STK3: variants seen among roughly 807,000 people sequenced by gnomAD.
STK3 encodes serine/threonine-protein kinase 3.
In STK3, 41 loss-of-function variants were observed where a neutral mutation model predicts 58.0. That is an observed-to-expected ratio of 0.71 (90% confidence interval 0.55 to 0.92). The LOEUF (loss-of-function observed/expected upper bound fraction) is 0.92. Ranked by LOEUF, STK3 falls within the 40% of genes least tolerant of loss-of-function variation. The pLI is 0.00. For synonymous variants in STK3, 170 were observed against 191.0 expected (o/e 0.89, Z 0.91); for missense variants, 479 against 602.7 (o/e 0.79, Z 2.15).
At chr8:98,427,914 C>T (rs2131066981) in intron 3 of STK3, 5 of 1,361,206 alleles carry the variant, frequency 3.7e-6, no homozygotes, top group East Asian at 2.5e-5. Context: ...GCGCTCTCGC[C>T]GACGCTGTTC....
the STK3 span, among the ~76,000 whole-genome samples, chr8:98,352,997 G>T: frequency 6.6e-6 from 1 of 152,148 alleles, no homozygotes; most frequent in African/African-American, 2.4e-5. Flanking sequence ...ATTGCTTATT[G>T]GTAGCATATA....
intron 6 of STK3, among the ~76,000 whole-genome samples, chr8:98,611,080 G>T (rs1046305803): frequency 6.6e-6 from 1 of 151,998 alleles, no homozygotes; most frequent in African/African-American, 2.4e-5. Context: ...AAAGAACTGG[G>T]TTAAAGCTAA....
At chr8:98,920,756 G>T (rs575200826) in intron 1 of STK3, among the ~76,000 whole-genome samples, 3 of 152,246 alleles carry the variant, frequency 2.0e-5, no homozygotes, top group Non-Finnish European at 4.4e-5. Flanking sequence ...GAGAAGCAGG[G>T]CAAGAGGCTG....
chr8:98,478,886 A>C (rs1053208163), intron 10 of STK3, among the ~76,000 whole-genome samples: 1 of 152,022 alleles, frequency 6.6e-6, no homozygotes, highest in Admixed American at 6.5e-5. Flanking sequence ...GCTCTTATAC[A>C]CTATATTTAC....
chr8:98,919,812 A>G (rs1254931939), intron 1 of STK3, among the ~76,000 whole-genome samples: 1 of 151,956 alleles, frequency 6.6e-6, no homozygotes, highest in Non-Finnish European at 1.5e-5. Flanking sequence ...TAGGAGCAGC[A>G]GCAGGTAGGA....
intron 3 of STK3, among the ~76,000 whole-genome samples, chr8:98,873,104 G>C (rs1286120831): frequency 6.6e-6 from 1 of 152,094 alleles, no homozygotes; most frequent in African/African-American, 2.4e-5. Flanking sequence ...GTACCCAGTA[G>C]TCATTCAGGA....
chr8:98,594,053 A>C (rs915057862), intron 7 of STK3, among the ~76,000 whole-genome samples: 1 of 152,328 alleles, frequency 6.6e-6, no homozygotes, highest in Admixed American at 6.5e-5. Context: ...CACGCCTATA[A>C]TCCCAGGAAT....
At chr8:98,597,804 C>A (rs1175119284) in intron 6 of STK3, 3 of 984,638 alleles carry the variant, frequency 3.0e-6, no homozygotes, top group Non-Finnish European at 3.6e-6. Flanking sequence ...ACCCCCAGAG[C>A]TCACAGTCAA....
intron 8 of STK3, among the ~76,000 whole-genome samples, chr8:98,562,820 G>T (rs935291320): frequency 2.0e-5 from 3 of 150,302 alleles, no homozygotes; most frequent in Admixed American, 1.3e-4. Context: ...GTTGAGGCAG[G>T]AGGATCGCTT....
intron 3 of STK3, among the ~76,000 whole-genome samples, chr8:98,407,778 G>A (rs75041250): frequency 4.0e-5 from 6 of 150,326 alleles, no homozygotes; most frequent in Non-Finnish European, 8.8e-5. Flanking sequence ...GCGCATGCAT[G>A]GTATGACTAC....
At chr8:98,344,795 A>T in the STK3 span, among the ~76,000 whole-genome samples, 1 of 143,468 alleles carries the variant, frequency 7.0e-6, no homozygotes, top group Non-Finnish European at 1.5e-5. Context: ...TGGGAGGCTG[A>T]GGCAGGAGAA....
chr8:98,776,602 A>G (rs1312335188), intron 1 of STK3, among the ~76,000 whole-genome samples: 1 of 152,226 alleles, frequency 6.6e-6, no homozygotes, highest in Non-Finnish European at 1.5e-5. Flanking sequence ...GCAGTTCAGC[A>G]TTTAGAATGC....
chr8:98,685,244 C>T (rs72666680), intron 6 of STK3, among the ~76,000 whole-genome samples: 5,472 of 152,206 alleles, frequency 0.036, 117 homozygotes, highest in South Asian at 0.061. Flanking sequence ...GTCTCCAAAA[C>T]TATAATTCAT....
intron 1 of STK3, among the ~76,000 whole-genome samples, chr8:98,824,274 C>G (rs1212896285): frequency 2.6e-5 from 4 of 152,204 alleles, no homozygotes; most frequent in African/African-American, 7.2e-5. Flanking sequence ...GCTGCCTACA[C>G]CTGCCCCTGA....
downstream of STK3, among the ~76,000 whole-genome samples, chr8:98,368,319 C>G (rs1441791460): frequency 6.6e-6 from 1 of 152,178 alleles, no homozygotes; most frequent in Non-Finnish European, 1.5e-5. Context: ...GGCAGGACTT[C>G]TCGCTGAAAC....
chr8:98,744,850 C>A (rs1300565631), intron 4 of STK3, among the ~76,000 whole-genome samples: 1 of 151,250 alleles, frequency 6.6e-6, no homozygotes. Context: ...GGCTTATAAG[C>A]CAGTTAAAAA....
At chr8:98,741,788 T>A (rs556545518) in intron 4 of STK3, among the ~76,000 whole-genome samples, 7 of 151,226 alleles carry the variant, frequency 4.6e-5, no homozygotes, top group African/African-American at 1.5e-4. Flanking sequence ...GACTAATGAA[T>A]CCAGGAGCTG....
rs145923521 is a variant in STK3 at position 98,521,442 on chromosome 8, T to A, written c.1317+5300A>T. Among the ~76,000 whole-genome samples, 128 of 152,124 alleles carry A rather than the reference T, an allele frequency of 8.4e-4. 2 individuals carry two copies. Among genetic ancestry groups the A allele is most frequent in the Admixed American group, 7.8e-3 (119 of 15,240 alleles). On this transcript the variant is annotated intron_variant, in intron 10 of 10. Transcript: ENST00000419617. ...TCCTCATTCTTGTTTTTCTTTTCAA[T>A]TTTATTCCTATATTATTTTAAGCTT...
At chr8:98,692,493 T>C (rs1269107399) in intron 6 of STK3, among the ~76,000 whole-genome samples, 13 of 152,184 alleles carry the variant, frequency 8.5e-5, no homozygotes, top group African/African-American at 4.8e-5. Context: ...TTGATTCTAC[T>C]TATATGAAAT....
Sources: gnomAD v4.1 joint callset for allele counts (sites outside exome capture counted in the v4.1 genomes callset) on GRCh38, gnomAD v4.1.1 for gene constraint, MANE v1.5 for transcripts, NCBI Gene and HGNC (gene_info 2026-07-23, HGNC 2026-07-21) for gene names.